Variants in LAMA2 observed in about 807,000 individuals in gnomAD.
The protein encoded by LAMA2 is laminin subunit alpha-2.
In LAMA2, 269 loss-of-function variants were observed where a neutral mutation model predicts 364.8. The ratio of observed to expected loss-of-function variants is 0.74; its 90% CI spans 0.67 to 0.82. The LOEUF (loss-of-function observed/expected upper bound fraction) is 0.82. LAMA2 is among the 40% of genes least tolerant of loss of function. The pLI is 0.00. For missense variants in LAMA2, 3,807 were observed against 3,873.2 expected (o/e 0.98, Z 0.45); for synonymous variants, 1,379 against 1,370.6 (o/e 1.01, Z -0.14).
chr6:129,246,447 AAT>A (rs2114261449), intron 12 of LAMA2, among the ~76,000 whole-genome samples: 1 of 152,330 alleles, frequency 6.6e-6, no homozygotes, highest in Non-Finnish European at 1.5e-5. Flanking sequence ...AAATGTTTAC[AAT>A]ATTCCACTGT....
At chr6:129,096,467 A>G (rs1039582153) in intron 3 of LAMA2, among the ~76,000 whole-genome samples, 2 of 152,194 alleles carry the variant, frequency 1.3e-5, no homozygotes, top group African/African-American at 4.8e-5. Flanking sequence ...ATGTCTTGGC[A>G]TATTCAAGCA....
At chr6:129,184,940 G>A (rs894480512) in intron 10 of LAMA2, among the ~76,000 whole-genome samples, 1 of 151,860 alleles carries the variant, frequency 6.6e-6, no homozygotes, top group African/African-American at 2.4e-5. Context: ...TTGGAAAAGT[G>A]TGTTTTAGGA....
At chr6:129,079,314 T>C (rs770627538) in intron 3 of LAMA2, among the ~76,000 whole-genome samples, 22 of 152,178 alleles carry the variant, frequency 1.4e-4, no homozygotes, top group Non-Finnish European at 2.8e-4. Context: ...ATTTTATAAA[T>C]TAAACTTCAT....
At chr6:129,190,463 G>T in intron 11 of LAMA2, 118 bp downstream of exon 11, 1 of 1,030,856 alleles carries the variant, frequency 9.7e-7, no homozygotes, top group East Asian at 2.7e-5. Context: ...GTTACAGGAA[G>T]AAGTAATGGA....
intron 1 of LAMA2, among the ~76,000 whole-genome samples, chr6:128,883,833 CACAT>C (rs1172562253): frequency 9.6e-4 from 110 of 114,816 alleles, no homozygotes; most frequent in African/African-American, 3.6e-3. Context: ...CACACACACA[CACAT>C]ATATATATAT....
rs531852923 is a variant in LAMA2 at position 128,911,181 on chromosome 6, G to A, written c.112+27824G>A. On this transcript the variant is annotated intron_variant, in intron 1 of 64. Coordinates refer to ENST00000421865, the MANE Select transcript of LAMA2 (RefSeq NM_000426.4). Reference sequence around the variant, plus strand: ...GGGCTACACCCAGTTCGAGCTTCCCGGCTGCTTTGTTTACCTAATCAAGCC... The same window carrying A: ...GGGCTACACCCAGTTCGAGCTTCCCAGCTGCTTTGTTTACCTAATCAAGCC... Among the ~76,000 whole-genome samples, 344 of 152,246 alleles carry A rather than the reference G, an allele frequency of 2.3e-3. 2 individuals carry two copies. Among genetic ancestry groups the A allele is most frequent in the Middle Eastern group, 0.01 (3 of 294 alleles).
At chr6:129,404,639 G>A (rs966018078) in intron 40 of LAMA2, among the ~76,000 whole-genome samples, 3 of 151,942 alleles carry the variant, frequency 2.0e-5, no homozygotes, top group Admixed American at 6.5e-5. Context: ...ACTATTTCAG[G>A]TTAAAAAAAT....
intron 38 of LAMA2, among the ~76,000 whole-genome samples, chr6:129,402,014 C>T (rs1780003555): frequency 1.3e-5 from 2 of 151,954 alleles, no homozygotes; most frequent in South Asian, 4.2e-4. Flanking sequence ...TCAAAACCAG[C>T]CTGGGCAACA....
At chr6:128,961,119 T>C (rs866820975) in intron 1 of LAMA2, among the ~76,000 whole-genome samples, 4 of 151,806 alleles carry the variant, frequency 2.6e-5, no homozygotes, top group Middle Eastern at 3.4e-3. Context: ...CTTTGTCTGC[T>C]AGCATTTTTG....
At chr6:129,180,281 A>G (rs1355787827) in intron 10 of LAMA2, among the ~76,000 whole-genome samples, 1 of 152,124 alleles carries the variant, frequency 6.6e-6, no homozygotes, top group Non-Finnish European at 1.5e-5. Flanking sequence ...GGAAGAATAT[A>G]TACATAAGTG....
intron 1 of LAMA2, among the ~76,000 whole-genome samples, chr6:128,960,963 A>G (rs1781450726): frequency 6.6e-6 from 1 of 151,970 alleles, no homozygotes; most frequent in African/African-American, 2.4e-5. Context: ...TTGCTGTCCA[A>G]TAATGTTTAG....
intron 40 of LAMA2, among the ~76,000 whole-genome samples, chr6:129,405,833 A>G (rs1040049573): frequency 6.6e-6 from 1 of 152,208 alleles, no homozygotes; most frequent in African/African-American, 2.4e-5. Context: ...TATAAAAGCT[A>G]TAGCTCAACA....
intron 1 of LAMA2, among the ~76,000 whole-genome samples, chr6:128,944,415 T>C (rs988371968): frequency 3.3e-5 from 5 of 152,146 alleles, no homozygotes; most frequent in African/African-American, 1.2e-4. Context: ...GTGCCAGACT[T>C]CAGAGGGATA....
chr6:128,955,621 G>C (rs925206786), intron 1 of LAMA2, among the ~76,000 whole-genome samples: 5 of 151,852 alleles, frequency 3.3e-5, no homozygotes, highest in African/African-American at 1.2e-4. Flanking sequence ...TACCATTGCA[G>C]TTATGGGCGT....
At chr6:128,971,777 G>C (rs1423314358) in intron 1 of LAMA2, among the ~76,000 whole-genome samples, 2 of 152,144 alleles carry the variant, frequency 1.3e-5, no homozygotes, top group Non-Finnish European at 2.9e-5. Flanking sequence ...CACAGAAAGA[G>C]GTACCCCTTA....
intron 44 of LAMA2, among the ~76,000 whole-genome samples, chr6:129,444,533 T>C (rs1459254914): frequency 6.6e-6 from 1 of 152,224 alleles, no homozygotes; most frequent in Admixed American, 6.5e-5. Context: ...ACTCAGTTCT[T>C]GATATAGCAA....
rs774313945 is a variant in LAMA2, at chr6:129,353,178, A to G, written c.4538A>G (p.Tyr1513Cys). Reference protein sequence around the residue: ...GQYCERCAPGYTGSPGNPGGS... With the variant: ...GQYCERCAPGCTGSPGNPGGS... ...TTTCAATTCAGGTGTGCCCCTGGCT[A>G]TACTGGCAGTCCAGGCAACCCTGGA... Residue 1513 changes from tyrosine to cysteine, a missense_variant, in exon 32 of 65, where the codon TAT (tyrosine) becomes TGT (cysteine). Physicochemically the swap from Tyr to Cys is radical, Grantham distance 194 (BLOSUM62 -2). This residue lies in a region of LAMA2 where 3,333 missense variants were observed against 3,345.7 expected (regional missense o/e 1.00). Transcript: ENST00000421865. 1 of 1,613,634 alleles carries G rather than the reference A, an allele frequency of 6.2e-7. No individual in the cohort carries two copies. Among genetic ancestry groups the G allele is most frequent in the Non-Finnish European group, 8.5e-7 (1 of 1,179,656 alleles).
At chr6:129,316,288 A>G in intron 27 of LAMA2, 117 bp downstream of exon 27, 3 of 842,898 alleles carry the variant, frequency 3.6e-6, no homozygotes, top group Non-Finnish European at 5.7e-6. Flanking sequence ...GTATAATGAT[A>G]GAAGATAAAC....
At position 128,921,697 on chromosome 6, in the gene LAMA2, G is replaced by GTTTTTTTTTTTTTTTTTT. The variant is rs547882651; in HGVS notation, c.112+38356_112+38357insTTTTTTTTTTTTTTTTTT. Among the ~76,000 whole-genome samples, 20 of 118,034 alleles carry GTTTTTTTTTTTTTTTTTT rather than the reference G, an allele frequency of 1.7e-4. 1 individual carries two copies. The highest frequency in any genetic ancestry group is 7.1e-4 in the African/African-American group (19 of 26,702). 77.4% of individuals were successfully genotyped at this position (118,034 alleles called of 152,430 possible). A position where few individuals can be genotyped will look rare whatever the true frequency, so the allele number is the denominator to read the frequency against. On this transcript the variant is annotated intron_variant, in intron 1 of 64. Coordinates refer to ENST00000421865, the MANE Select transcript of LAMA2 (RefSeq NM_000426.4). ...CTCCTGAACTGTGAAATGAATGTCT[G>GTTTTTTTTTTTTTTTTTT]TTTTTTTTTTTTTTTTATTATTATT...
Sources: gnomAD v4.1 joint callset for allele counts (sites outside exome capture counted in the v4.1 genomes callset) on GRCh38, gnomAD v4.1.1 for gene constraint, gnomAD v4.1.1 regional missense constraint, MANE v1.5 for transcripts, NCBI Gene and HGNC (gene_info 2026-07-23, HGNC 2026-07-21) for gene names.